Variants in FAM13B observed in about 807,000 individuals in gnomAD.
FAM13B encodes protein FAM13B.
In FAM13B, 60 loss-of-function variants were observed where a neutral mutation model predicts 117.3. That is an observed-to-expected ratio of 0.51 (90% CI 0.42 to 0.63). FAM13B has a LOEUF of 0.63. Among genes scored for constraint, FAM13B ranks in the 30% least tolerant of loss-of-function variants. The probability of loss-of-function intolerance (pLI) is 0.00; values close to 1 mark genes in which losing one functional copy is unlikely to be tolerated. For missense variants in FAM13B, 972 were observed against 1,091.9 expected (o/e 0.89, Z 1.55); for synonymous variants, 332 against 356.1 (o/e 0.93, Z 0.76).
At chr5:138,036,855 TTA>T (rs1791214347), upstream of FAM13B, 1 of 338,244 alleles carries the variant, frequency 3.0e-6, no homozygotes, top group African/African-American at 2.2e-5. Context: ...TGGTTTTTTT[TTA>T]AACTTTTTTT....
At chr5:137,993,675 T>C (rs1187743306) in intron 7 of FAM13B, among the ~76,000 whole-genome samples, 1 of 151,382 alleles carries the variant, frequency 6.6e-6, no homozygotes, top group African/African-American at 2.4e-5. Flanking sequence ...TAGTTCCAGT[T>C]ACTCGGGAGG....
chr5:138,014,260 G>GT (rs1477896486), intron 4 of FAM13B, among the ~76,000 whole-genome samples: 1 of 152,168 alleles, frequency 6.6e-6, no homozygotes, highest in Non-Finnish European at 1.5e-5. Context: ...TTTTCATCTA[G>GT]TTTTTTTCAG....
intron 1 of FAM13B, among the ~76,000 whole-genome samples, chr5:138,028,408 T>C (rs575856849): frequency 6.6e-6 from 1 of 152,318 alleles, no homozygotes; most frequent in African/African-American, 2.4e-5. Flanking sequence ...TAAGGGGTAT[T>C]ATGCGTAATT....
chr5:138,025,323 T>G (rs796855453), intron 1 of FAM13B, among the ~76,000 whole-genome samples: 10 of 106,600 alleles, frequency 9.4e-5, no homozygotes, highest in South Asian at 9.2e-4. Flanking sequence ...ATTTTTTTTT[T>G]TTTTTTTTTT....
intron 10 of FAM13B, among the ~76,000 whole-genome samples, chr5:137,982,320 C>T (rs1215393756): frequency 5.3e-5 from 8 of 152,042 alleles, no homozygotes; most frequent in Admixed American, 3.9e-4. Context: ...TGGGAGGCCA[C>T]GGCAGGCAGA....
At chr5:137,988,467 T>C (rs916573352) in intron 7 of FAM13B, 152 bp from the exon 8 acceptor site, 1 of 602,506 alleles carries the variant, frequency 1.7e-6, no homozygotes, top group African/African-American at 2.0e-5. Context: ...GTTGGAAATA[T>C]TTTCTGAATC....
At chr5:137,986,364 T>C (rs1423191484) in intron 9 of FAM13B, among the ~76,000 whole-genome samples, 1 of 151,996 alleles carries the variant, frequency 6.6e-6, no homozygotes, top group Non-Finnish European at 1.5e-5. Flanking sequence ...ACTCCCCAAT[T>C]ATCTTTTTTT....
intron 9 of FAM13B, among the ~76,000 whole-genome samples, chr5:137,986,473 A>G (rs1777276859): frequency 1.4e-5 from 2 of 145,758 alleles, no homozygotes; most frequent in Non-Finnish European, 3.0e-5. Context: ...AAATCACTGC[A>G]CCACGGTCTC....
At chr5:137,977,670 T>C (rs1202360586) in intron 10 of FAM13B, among the ~76,000 whole-genome samples, 1 of 152,178 alleles carries the variant, frequency 6.6e-6, no homozygotes, top group African/African-American at 2.4e-5. Flanking sequence ...TGAACCACCA[T>C]GCCTGGCCTT....
rs1561543921 is a variant in FAM13B at position 138,025,304 on chromosome 5, TATA to T, written c.-202-4110_-202-4108del. Among the ~76,000 whole-genome samples, 3 of 124,620 alleles carry T rather than the reference TATA, an allele frequency of 2.4e-5. 1 individual carries two copies. The highest frequency in any genetic ancestry group is 8.7e-5 in the African/African-American group (3 of 34,446). 81.8% of individuals were successfully genotyped at this position (124,620 alleles called of 152,430 possible). A position where few individuals can be genotyped will look rare whatever the true frequency, so the allele number is the denominator to read the frequency against. On this transcript the variant is annotated intron_variant, in intron 1 of 23. Coordinates refer to ENST00000689681, the MANE Select transcript of FAM13B (RefSeq NM_001385994.1). ...AAACAAAGCCATATATATATATATATATATATGTATTTTTTTTTTTTTTTTTTT... is the reference window on the plus strand; with the variant it reads ...AAACAAAGCCATATATATATATATATTATGTATTTTTTTTTTTTTTTTTTT...
intron 6 of FAM13B, among the ~76,000 whole-genome samples, chr5:138,009,225 C>T (rs1783322952): frequency 6.6e-6 from 1 of 152,154 alleles, no homozygotes; most frequent in African/African-American, 2.4e-5. Context: ...CTGTATAATT[C>T]GTTGTGTTTA....
intron 10 of FAM13B, among the ~76,000 whole-genome samples, chr5:137,977,137 G>A (rs924843694): frequency 4.6e-5 from 7 of 152,142 alleles, no homozygotes; most frequent in Admixed American, 2.6e-4. Flanking sequence ...GGTCAAGACT[G>A]TAGGGATGAA....
chr5:138,020,056 C>T (rs887381366), intron 2 of FAM13B: 1 of 920,534 alleles, frequency 1.1e-6, no homozygotes, highest in African/African-American at 1.8e-5. Context: ...TTTATCAACA[C>T]TGTTATTTCT....
intron 17 of FAM13B, among the ~76,000 whole-genome samples, chr5:137,950,296 A>C (rs1383353638): frequency 6.6e-6 from 1 of 152,248 alleles, no homozygotes; most frequent in Admixed American, 6.5e-5. Context: ...TCCTGGTAGA[A>C]TACGGAATAA....
At chr5:137,972,947 G>C (rs1431257914) in intron 10 of FAM13B, among the ~76,000 whole-genome samples, 1 of 151,028 alleles carries the variant, frequency 6.6e-6, no homozygotes, top group Non-Finnish European at 1.5e-5. Flanking sequence ...CACTGCTCAA[G>C]GAAATAAAAG....
intron 7 of FAM13B, among the ~76,000 whole-genome samples, chr5:137,994,770 C>A (rs1297298324): frequency 6.6e-6 from 1 of 152,098 alleles, no homozygotes; most frequent in African/African-American, 2.4e-5. Flanking sequence ...ATAGTCATTC[C>A]CTGACATTTT....
chr5:137,979,838 G>A (rs934349525), intron 10 of FAM13B, among the ~76,000 whole-genome samples: 5 of 152,000 alleles, frequency 3.3e-5, no homozygotes, highest in African/African-American at 1.2e-4. Context: ...GAAAGTATGT[G>A]CATGTACAAC....
At chr5:138,040,515 T>G (rs1406383518) in intron 1 of FAM13B, among the ~76,000 whole-genome samples, 2 of 151,820 alleles carry the variant, frequency 1.3e-5, no homozygotes, top group Non-Finnish European at 2.9e-5. Flanking sequence ...GAGATTACCG[T>G]GAGCCGAGAT....
intron 4 of FAM13B, among the ~76,000 whole-genome samples, chr5:138,015,235 C>A (rs1278369154): frequency 5.9e-5 from 9 of 152,254 alleles, no homozygotes; most frequent in South Asian, 2.1e-4. Flanking sequence ...GGCTGTGAAA[C>A]CCTAGTCTAA....
Sources: gnomAD v4.1 joint callset for allele counts (sites outside exome capture counted in the v4.1 genomes callset) on GRCh38, gnomAD v4.1.1 for gene constraint, MANE v1.5 for transcripts, NCBI Gene and HGNC (gene_info 2026-07-23, HGNC 2026-07-21) for gene names.